The following FBXL17 variants were observed in gnomAD, a reference collection of about 807,000 sequenced individuals.
FBXL17 encodes the protein F-box and leucine rich repeat protein 17.
FBXL17 carries 22 observed loss-of-function variants against 66.2 expected under a neutral mutation model. The observed-to-expected ratio is 0.33, with a 90% CI of 0.24 to 0.47. The LOEUF (loss-of-function observed/expected upper bound fraction) is 0.47. Ranked by LOEUF, FBXL17 falls within the 20% of genes least tolerant of loss-of-function variation. The pLI is 1.00. For synonymous variants in FBXL17, 474 were observed against 400.5 expected, an observed-to-expected ratio of 1.18 and a Z score of -2.19; for missense variants, 878 against 948.2, an observed-to-expected ratio of 0.93 and a Z score of 0.97.
intron 4 of FBXL17, among the ~76,000 whole-genome samples, chr5:108,316,786 G>A (rs35053804): frequency 2.0e-5 from 3 of 150,258 alleles, no homozygotes; most frequent in Non-Finnish European, 4.5e-5. Context: ...TAATATATAT[G>A]GGAAATTATA....
rs185433535 is a variant in FBXL17, at chr5:108,151,543, G to A, written c.1745+34574C>T. ...CTATCAAAATCTTAATTCCCAAATC[G>A]GAAGTCAAGAGGGCAATTCAAGGCA... On this transcript the variant is annotated intron_variant, in intron 6 of 8. Coordinates refer to ENST00000542267, the MANE Select transcript of FBXL17 (RefSeq NM_001163315.3). Among the ~76,000 whole-genome samples, 79 of 152,212 alleles carry A rather than the reference G, an allele frequency of 5.2e-4. 2 individuals carry two copies. In the Middle Eastern group the frequency reaches 0.014, roughly 26 times the overall value.
At chr5:107,876,842 C>T (rs188955729) in intron 8 of FBXL17, among the ~76,000 whole-genome samples, 41 of 152,228 alleles carry the variant, frequency 2.7e-4, no homozygotes, top group African/African-American at 9.1e-4. Context: ...ATAATTTCTA[C>T]GACCAAAGCC....
rs182638765 is a variant in FBXL17, at chr5:108,378,944, G to C, written c.993+1755C>G. 4.1e-4 allele frequency among the ~76,000 whole-genome samples: 63 copies of C among 152,276 alleles called. 1 individual carries two copies. The highest frequency in any genetic ancestry group is 1.5e-3 in the African/African-American group (62 of 41,554). ...CCACTAGGACCATCAGACTCAGACA[G>C]AGAATCTTTATTAGAATTTTCTAAT... On this transcript the variant is annotated intron_variant, in intron 1 of 8. Transcript: ENST00000542267.
intron 6 of FBXL17, among the ~76,000 whole-genome samples, chr5:108,158,089 G>A (rs988767632): frequency 6.6e-6 from 1 of 151,964 alleles, no homozygotes; most frequent in Admixed American, 6.6e-5. Flanking sequence ...AGAAGACTGG[G>A]CAAATTTATC....
chr5:108,201,823 G>T (rs1753906608), intron 5 of FBXL17, among the ~76,000 whole-genome samples: 1 of 136,364 alleles, frequency 7.3e-6, no homozygotes. Context: ...TAAAATTTCT[G>T]CCACAAAACA....
chr5:108,006,419 G>A (rs1309209975), intron 7 of FBXL17, among the ~76,000 whole-genome samples: 1 of 152,184 alleles, frequency 6.6e-6, no homozygotes, highest in Non-Finnish European at 1.5e-5. Flanking sequence ...AAGGTAGAAA[G>A]AAAGTGAAGC....
chr5:108,062,753 G>A (rs373337526), intron 6 of FBXL17, among the ~76,000 whole-genome samples: 11 of 151,322 alleles, frequency 7.3e-5, no homozygotes, highest in African/African-American at 1.7e-4. Context: ...CTGTCTTTTC[G>A]ACATATAATC....
At chr5:108,274,370 T>C (rs1404509690) in intron 4 of FBXL17, among the ~76,000 whole-genome samples, 1 of 152,214 alleles carries the variant, frequency 6.6e-6, no homozygotes, top group Non-Finnish European at 1.5e-5. Flanking sequence ...TTCAGTGATA[T>C]TTCTCCCATT....
intron 6 of FBXL17, among the ~76,000 whole-genome samples, chr5:108,045,945 G>C (rs1486265022): frequency 6.6e-6 from 1 of 152,178 alleles, no homozygotes; most frequent in Non-Finnish European, 1.5e-5. Flanking sequence ...TTCTTGGTTG[G>C]AGTGTTCTAT....
At chr5:108,109,383 C>T (rs907373898) in intron 6 of FBXL17, among the ~76,000 whole-genome samples, 1 of 152,102 alleles carries the variant, frequency 6.6e-6, no homozygotes, top group South Asian at 2.1e-4. Flanking sequence ...GATACAGGGA[C>T]ACAGAGAAGA....
intron 4 of FBXL17, among the ~76,000 whole-genome samples, chr5:108,283,139 G>A (rs924147169): frequency 2.6e-5 from 4 of 150,984 alleles, no homozygotes; most frequent in Admixed American, 6.6e-5. Context: ...TTTTACACAA[G>A]TACAAAAAAA....
intron 4 of FBXL17, among the ~76,000 whole-genome samples, chr5:108,252,564 G>C (rs1181898478): frequency 6.6e-6 from 1 of 152,078 alleles, no homozygotes; most frequent in Non-Finnish European, 1.5e-5. Context: ...TAAAAACATA[G>C]TAAGATAGTT....
intron 6 of FBXL17, among the ~76,000 whole-genome samples, chr5:108,140,678 C>A (rs973161411): frequency 6.6e-6 from 1 of 152,112 alleles, no homozygotes; most frequent in African/African-American, 2.4e-5. Context: ...TTGACATATC[C>A]TGAATGCCTG....
chr5:108,251,375 GTTA>G (rs898912691), intron 4 of FBXL17, among the ~76,000 whole-genome samples: 19 of 152,120 alleles, frequency 1.2e-4, no homozygotes, highest in Admixed American at 2.6e-4. Context: ...GGTATTTTCA[GTTA>G]TTATTATTTT....
At chr5:108,244,886 T>C (rs1429764999) in intron 4 of FBXL17, among the ~76,000 whole-genome samples, 3 of 152,122 alleles carry the variant, frequency 2.0e-5, no homozygotes, top group African/African-American at 4.8e-5. Context: ...TTATAGGTAA[T>C]TTTTGAAAGT....
intron 6 of FBXL17, among the ~76,000 whole-genome samples, chr5:108,117,705 T>TG: frequency 3.3e-5 from 5 of 152,194 alleles, no homozygotes; most frequent in Admixed American, 3.3e-4. Flanking sequence ...GTCTGTGGTT[T>TG]GGGGGGCAAA....
At chr5:108,081,342 T>C (rs1303116300) in intron 6 of FBXL17, among the ~76,000 whole-genome samples, 1 of 152,144 alleles carries the variant, frequency 6.6e-6, no homozygotes, top group Non-Finnish European at 1.5e-5. Context: ...GAGCCTGGAA[T>C]TTTATTTTTC....
At chr5:108,016,073 G>A (rs989163138) in intron 7 of FBXL17, among the ~76,000 whole-genome samples, 1 of 152,164 alleles carries the variant, frequency 6.6e-6, no homozygotes, top group South Asian at 2.1e-4. Flanking sequence ...ATGTTTGACA[G>A]AATGAAATTT....
chr5:107,970,908 G>A (rs1237039569), intron 7 of FBXL17, among the ~76,000 whole-genome samples: 1 of 152,160 alleles, frequency 6.6e-6, no homozygotes, highest in African/African-American at 2.4e-5. Flanking sequence ...TTGCTTATGT[G>A]AGCGTCAGTT....
Sources: gnomAD v4.1 joint callset for allele counts (sites outside exome capture counted in the v4.1 genomes callset) on GRCh38, gnomAD v4.1.1 for gene constraint, MANE v1.5 for transcripts, NCBI Gene and HGNC (gene_info 2026-07-23, HGNC 2026-07-21) for gene names.